TAFA4: variants seen among roughly 807,000 people sequenced by gnomAD.
TAFA4 encodes TAFA chemokine like family member 4, also known as chemokine-like protein TAFA-4.
In TAFA4, 20 loss-of-function variants were observed where a neutral mutation model predicts 21.1. The ratio of observed to expected loss-of-function variants is 0.95; its 90% CI spans 0.67 to 1.38. The LOEUF (loss-of-function observed/expected upper bound fraction) is 1.38. TAFA4 is among the 40% of genes most tolerant of loss of function. The pLI is 0.00. For synonymous variants in TAFA4, 71 were observed against 67.4 expected (o/e 1.05, Z -0.26); for missense variants, 211 against 180.9 (o/e 1.17, Z -0.95).
chr3:68,797,911 G>A (rs80069197), intron 3 of TAFA4, among the ~76,000 whole-genome samples: 23,228 of 152,082 alleles, frequency 0.15, 2,632 homozygotes, highest in East Asian at 0.32. Context: ...TAATGCCACC[G>A]TACTATACAC....
intron 2 of TAFA4, among the ~76,000 whole-genome samples, chr3:68,884,945 T>A (rs2106956490): frequency 6.6e-6 from 1 of 152,372 alleles, no homozygotes; most frequent in South Asian, 2.1e-4. Flanking sequence ...AGATTTGTAT[T>A]TCTTCATTTT....
At chr3:68,814,729 C>T (rs1703925634) in intron 3 of TAFA4, among the ~76,000 whole-genome samples, 1 of 152,110 alleles carries the variant, frequency 6.6e-6, no homozygotes, top group Admixed American at 6.6e-5. Flanking sequence ...GTGAAAATGG[C>T]CATACTGCCC....
chr3:68,757,034 G>T (rs1029697087), intron 3 of TAFA4, among the ~76,000 whole-genome samples: 3 of 152,082 alleles, frequency 2.0e-5, no homozygotes, highest in African/African-American at 7.2e-5. Context: ...TCCTTTCACA[G>T]TTACCTCTCA....
intron 3 of TAFA4, among the ~76,000 whole-genome samples, chr3:68,861,498 T>C (rs903113044): frequency 7.2e-5 from 11 of 152,132 alleles, no homozygotes; most frequent in African/African-American, 2.7e-4. Context: ...CTTTAGAAAC[T>C]CTTGTCCAGG....
At chr3:68,928,179 G>A (rs1575677881) in intron 1 of TAFA4, among the ~76,000 whole-genome samples, 1 of 152,146 alleles carries the variant, frequency 6.6e-6, no homozygotes, top group Non-Finnish European at 1.5e-5. Context: ...AAGATTCAAT[G>A]TTGCCTTAGA....
At chr3:68,743,021 G>C (rs1169408760) in intron 4 of TAFA4, among the ~76,000 whole-genome samples, 12 of 152,144 alleles carry the variant, frequency 7.9e-5, no homozygotes, top group Admixed American at 7.9e-4. Context: ...ATCCACTGAA[G>C]GGGCCAGACA....
intron 3 of TAFA4, among the ~76,000 whole-genome samples, chr3:68,824,155 A>C (rs1299711291): frequency 6.6e-6 from 1 of 152,190 alleles, no homozygotes; most frequent in Non-Finnish European, 1.5e-5. Flanking sequence ...ACGACAACAT[A>C]GATCATTTGT....
chr3:68,848,255 C>T (rs944736181), intron 3 of TAFA4, among the ~76,000 whole-genome samples: 1 of 152,154 alleles, frequency 6.6e-6, no homozygotes, highest in Non-Finnish European at 1.5e-5. Context: ...AGAACACACA[C>T]GAAATTAACC....
At chr3:68,862,627 C>T (rs1229629716) in intron 3 of TAFA4, among the ~76,000 whole-genome samples, 1 of 152,044 alleles carries the variant, frequency 6.6e-6, no homozygotes, top group Non-Finnish European at 1.5e-5. Flanking sequence ...CACCACTCTA[C>T]CACCCTTGCC....
intron 4 of TAFA4, 140 bp from the exon 5 acceptor site, chr3:68,739,339 C>G (rs962114328): frequency 1.6e-5 from 16 of 972,744 alleles, no homozygotes; most frequent in African/African-American, 6.5e-5. Flanking sequence ...GGAATCCAAT[C>G]AGGCATATAC....
chr3:68,866,935 C>T (rs2089428214), intron 3 of TAFA4, among the ~76,000 whole-genome samples: 1 of 151,736 alleles, frequency 6.6e-6, no homozygotes, highest in African/African-American at 2.4e-5. Context: ...TGAGGAATTA[C>T]CTCGAAAGAA....
chr3:68,766,836 G>A (rs1702863271), intron 3 of TAFA4, among the ~76,000 whole-genome samples: 3 of 152,096 alleles, frequency 2.0e-5, no homozygotes, highest in Admixed American at 2.0e-4. Flanking sequence ...AAAGAAAATT[G>A]TGAGAGCTTT....
At chr3:68,893,906 A>C (rs1328370414) in intron 1 of TAFA4, among the ~76,000 whole-genome samples, 1 of 152,230 alleles carries the variant, frequency 6.6e-6, no homozygotes, top group Non-Finnish European at 1.5e-5. Flanking sequence ...GTATGTTTTT[A>C]TTATAATAAT....
chr3:68,854,649 GT>G (rs1235929308), intron 3 of TAFA4, among the ~76,000 whole-genome samples: 6 of 150,562 alleles, frequency 4.0e-5, no homozygotes, highest in African/African-American at 1.5e-4. Context: ...ATTTGACTTG[GT>G]TTTGTTTTTG....
chr3:68,739,127 G>A lies in TAFA4; in HGVS notation c.359C>T (p.Pro120Leu). ...CLEGEDCKVL[P>L]DYSGWSCSSG... ...GCTACAGGACCAACCTGAGTAATCTGGCAGCACTTTACAATCCTCTCCTTC... is the reference window on the plus strand; with the variant it reads ...GCTACAGGACCAACCTGAGTAATCTAGCAGCACTTTACAATCCTCTCCTTC... The change falls in exon 5 of 6, where the codon CCA becomes CTA. Residue 120 changes from proline (P) to leucine (L), a missense_variant. Coordinates refer to ENST00000295569, the MANE Select transcript of TAFA4 (RefSeq NM_182522.5). 3 of 1,613,930 alleles carry A rather than the reference G, an allele frequency of 1.9e-6. No homozygotes were observed. The highest frequency in any genetic ancestry group is 2.5e-6 in the Non-Finnish European group (3 of 1,179,896).
At chr3:68,893,954 T>G (rs2089758885) in intron 1 of TAFA4, among the ~76,000 whole-genome samples, 1 of 152,160 alleles carries the variant, frequency 6.6e-6, no homozygotes, top group East Asian at 1.9e-4. Context: ...TATTTATAAA[T>G]AGAATGCAAA....
chr3:68,863,955 T>A (rs776980351), intron 3 of TAFA4, among the ~76,000 whole-genome samples: 6 of 151,994 alleles, frequency 3.9e-5, no homozygotes, highest in Non-Finnish European at 8.8e-5. Context: ...AAAAATTAAC[T>A]CAAAATGGAT....
intron 1 of TAFA4, among the ~76,000 whole-genome samples, chr3:68,922,709 G>T (rs9871910): frequency 6.6e-6 from 1 of 152,172 alleles, no homozygotes; most frequent in East Asian, 1.9e-4. Flanking sequence ...TCGAAGAAAC[G>T]GTTTTCTAGG....
intron 3 of TAFA4, among the ~76,000 whole-genome samples, chr3:68,841,838 T>C (rs902258827): frequency 6.6e-6 from 1 of 152,132 alleles, no homozygotes; most frequent in African/African-American, 2.4e-5. Context: ...AGAATGATGG[T>C]TTCCAGCTTC....
Sources: allele counts gnomAD v4.1 joint callset (sites outside exome capture counted in the v4.1 genomes callset), GRCh38; gene constraint gnomAD v4.1.1; transcripts MANE v1.5; gene names NCBI Gene and HGNC (gene_info 2026-07-23, HGNC 2026-07-21).